NEK1: variants seen among roughly 807,000 people sequenced by gnomAD.
NEK1 encodes the protein NIMA related kinase 1, also known as serine/threonine-protein kinase Nek1.
A neutral mutation model predicts 182.1 loss-of-function variants in NEK1; 137 were observed. The ratio of observed to expected loss-of-function variants is 0.75; its 90% CI spans 0.65 to 0.87. The LOEUF is 0.87. Among genes scored for constraint, NEK1 ranks in the 40% least tolerant of loss-of-function variants. NEK1 has a pLI of 0.00. For missense variants in NEK1, 1,391 were observed against 1,494.4 expected, an observed-to-expected ratio of 0.93 and a Z score of 1.14; for synonymous variants, 513 against 492.2, an observed-to-expected ratio of 1.04 and a Z score of -0.56.
In NEK1 at chr4:169,526,357, C is replaced by T. The variant is rs898071520; in HGVS notation, c.1665+11452G>A. On this transcript the variant is annotated intron_variant, in intron 19 of 35. Coordinates refer to ENST00000507142, the MANE Select transcript of NEK1 (RefSeq NM_001199397.3). ...TTAAAAAATTAGCCACGCATGATGG[C>T]AAGCACCTATAGACCCAGCTACTCA... Among the ~76,000 whole-genome samples the T allele has an allele frequency of 5.3e-5, 8 of 152,084 alleles. No homozygotes were observed. In the South Asian group the frequency reaches 6.2e-4, roughly 12 times the overall value.
At chr4:169,609,148 T>A (rs541758632) in intron 2 of NEK1, among the ~76,000 whole-genome samples, 5 of 152,114 alleles carry the variant, frequency 3.3e-5, no homozygotes, top group Admixed American at 3.3e-4. Flanking sequence ...ACAATTTTTT[T>A]AAAAAAGCAC....
rs1005813311 is a variant in NEK1, at chr4:169,439,844, T to C, written c.2588-1585A>G. 2.9e-5 allele frequency among the ~76,000 whole-genome samples: 4 copies of C among 139,906 alleles called. No individual in the cohort carries two copies. The East Asian group carries it at 8.0e-4, about 28-fold the overall frequency. The allele number at this position is 139,906 out of a possible 152,430, so 91.8% of individuals were successfully genotyped here. A position where few individuals can be genotyped will look rare whatever the true frequency, so the allele number is the denominator to read the frequency against. ...GAAGGAAGAGGAGGAGGTTAGGGTA[T>C]CTTTTTTTTTTTTTTTTTTTTTGTT... On this transcript the variant is annotated intron_variant, in intron 27 of 35. Coordinates refer to ENST00000507142, the MANE Select transcript of NEK1 (RefSeq NM_001199397.3).
chr4:169,485,788 G>T (rs186829163), intron 23 of NEK1, among the ~76,000 whole-genome samples: 10 of 152,308 alleles, frequency 6.6e-5, no homozygotes, highest in Admixed American at 6.5e-4. Flanking sequence ...GCTGAGGCAG[G>T]AGGAGCACTT....
At chr4:169,491,756 A>C (rs1486732696) in intron 23 of NEK1, among the ~76,000 whole-genome samples, 1 of 152,218 alleles carries the variant, frequency 6.6e-6, no homozygotes, top group Admixed American at 6.5e-5. Flanking sequence ...AATCTCTCAA[A>C]TTGCTATTAT....
Position 169,401,830 on chromosome 4 carries a change from T to C in NEK1, c.3405A>G (p.Gln1135=), listed in dbSNP as rs774338352. 10 of 1,612,440 alleles carry C rather than the reference T, an allele frequency of 6.2e-6. No homozygotes were observed. In the East Asian group the frequency reaches 2.0e-4, roughly 32 times the overall value. The change falls in exon 33 of 36, where the codon CAA becomes CAG. Residue 1135 remains glutamine (Q), a synonymous_variant. Transcript: ENST00000507142. ...ACTGTTCCATCGAGGCCTGCAGCTC[T>C]TGTAAATCTGTGTCAGTTTCTTCAA... ...IVFEETDTDL[Q]ELQASMEQLL... is the part of the protein sequence containing the mutation.
rs769927345 is a variant in NEK1, at chr4:169,523,860, A to G, written c.1665+13949T>C. 3.0e-4 allele frequency among the ~76,000 whole-genome samples: 46 copies of G among 152,342 alleles called. 1 individual carries two copies. Among genetic ancestry groups the G allele is most frequent in the Non-Finnish European group, 6.3e-4 (43 of 68,022 alleles). On this transcript the variant is annotated intron_variant, in intron 19 of 35. Transcript: ENST00000507142. ...TTAATTTCTGTATAAAATTAAATCAATGAAAGAATGAATGAAAAGTTTTAA... is the reference window on the plus strand; with the variant it reads ...TTAATTTCTGTATAAAATTAAATCAGTGAAAGAATGAATGAAAAGTTTTAA...
chr4:169,445,865 T>TATATATATATATATAC (rs569539235), intron 27 of NEK1, among the ~76,000 whole-genome samples: 3 of 143,220 alleles, frequency 2.1e-5, no homozygotes, highest in African/African-American at 8.4e-5. Flanking sequence ...TATATATATA[T>TATATATATATATATAC]ACACACACAC....
chr4:169,506,425 G>A (rs1204129055), intron 23 of NEK1, among the ~76,000 whole-genome samples: 1 of 152,056 alleles, frequency 6.6e-6, no homozygotes, highest in Admixed American at 6.6e-5. Flanking sequence ...CTGGGATTTT[G>A]ATAAGCTACT....
intron 10 of NEK1, among the ~76,000 whole-genome samples, chr4:169,581,113 C>T (rs1322795524): frequency 4.1e-5 from 6 of 147,674 alleles, no homozygotes; most frequent in Non-Finnish European, 8.9e-5. Context: ...CTTTAGGAGG[C>T]TGAGGGGAAG....
At chr4:169,582,660 G>A (rs1232710948) in intron 10 of NEK1, among the ~76,000 whole-genome samples, 1 of 152,056 alleles carries the variant, frequency 6.6e-6, no homozygotes, top group Non-Finnish European at 1.5e-5. Context: ...CTGTGTTAAT[G>A]CTCATGTGAA....
chr4:169,532,972 G>GA (rs556996732), intron 19 of NEK1, among the ~76,000 whole-genome samples: 54 of 149,566 alleles, frequency 3.6e-4, no homozygotes, highest in Non-Finnish European at 6.3e-4. Context: ...GGAACTAAAA[G>GA]AAAAAAAAAG....
At chr4:169,448,907 G>A (rs1216378965) in intron 27 of NEK1, among the ~76,000 whole-genome samples, 1 of 152,234 alleles carries the variant, frequency 6.6e-6, no homozygotes, top group Non-Finnish European at 1.5e-5. Context: ...CCTAGCCAAG[G>A]GAAGCCGTGA....
chr4:169,429,275 T>C (rs1250729948), intron 29 of NEK1, among the ~76,000 whole-genome samples: 1 of 152,212 alleles, frequency 6.6e-6, no homozygotes, highest in South Asian at 2.1e-4. Flanking sequence ...ATTTAGACTG[T>C]TGCAAATTAT....
intron 32 of NEK1, among the ~76,000 whole-genome samples, chr4:169,406,126 G>A (rs1347597853): frequency 6.6e-6 from 1 of 151,974 alleles, no homozygotes; most frequent in African/African-American, 2.4e-5. Flanking sequence ...TTTTTGTAGA[G>A]ATGGTGTCTC....
Position 169,561,423 on chromosome 4 carries a change from C to T in NEK1, c.1266+57G>A, listed in dbSNP as rs182570103. On this transcript the variant is annotated intron_variant, in intron 16 of 35. Transcript: ENST00000507142. ...TCCCAAGTACATGCATTTTATAGAA[C>T]AAGGTGGAACTGGAGGGGAAAATGG... 8.4e-6 allele frequency: 12 copies of T among 1,436,674 alleles called. No individual in the cohort carries two copies. In the Middle Eastern group the frequency reaches 5.2e-4, roughly 63 times the overall value. 89.0% of individuals were successfully genotyped at this position (1,436,674 alleles called of 1,614,324 possible).
At chr4:169,454,125 A>AT (rs1742383473) in intron 27 of NEK1, among the ~76,000 whole-genome samples, 1 of 152,222 alleles carries the variant, frequency 6.6e-6, no homozygotes, top group African/African-American at 2.4e-5. Context: ...CTGGCTAGCC[A>AT]TATATAGAAA....
chr4:169,591,210 A>G (rs1170630815), intron 5 of NEK1, among the ~76,000 whole-genome samples: 1 of 146,468 alleles, frequency 6.8e-6, no homozygotes, highest in African/African-American at 2.6e-5. Flanking sequence ...CAGTCGTGTT[A>G]TCATAGTTCA....
chr4:169,452,510 T>C (rs1238579337), intron 27 of NEK1, among the ~76,000 whole-genome samples: 2 of 152,200 alleles, frequency 1.3e-5, no homozygotes, highest in African/African-American at 4.8e-5. Context: ...TGGTTCAACG[T>C]ACACAAATCA....
chr4:169,484,326 G>A (rs1369624818), intron 23 of NEK1, among the ~76,000 whole-genome samples: 8 of 152,230 alleles, frequency 5.3e-5, no homozygotes, highest in South Asian at 4.1e-4. Flanking sequence ...GATTACAGGC[G>A]TGAGCCACCG....
Sources: gnomAD v4.1 joint callset for allele counts (sites outside exome capture counted in the v4.1 genomes callset) on GRCh38, gnomAD v4.1.1 for gene constraint, MANE v1.5 for transcripts, NCBI Gene and HGNC (gene_info 2026-07-23, HGNC 2026-07-21) for gene names.